The following TTC27 variants were observed in gnomAD, a reference collection of about 807,000 sequenced individuals.
TTC27 encodes tetratricopeptide repeat domain 27.
Under a neutral mutation model 115.9 loss-of-function variants are expected in TTC27, and 79 were observed. The ratio of observed to expected loss-of-function variants is 0.68; its 90% CI spans 0.57 to 0.82. The LOEUF (loss-of-function observed/expected upper bound fraction) is 0.82, where lower values mean the gene tolerates loss of function less well. Among genes scored for constraint, TTC27 ranks in the 40% least tolerant of loss-of-function variants. TTC27 has a pLI of 0.00. For missense variants in TTC27, 1,054 were observed against 993.1 expected, an observed-to-expected ratio of 1.06 and a Z score of -0.82; for synonymous variants, 401 against 356.0, an observed-to-expected ratio of 1.13 and a Z score of -1.42.
At chr2:32,798,719 T>A (rs67766160) in intron 16 of TTC27, among the ~76,000 whole-genome samples, 57,262 of 129,986 alleles carry the variant, frequency 0.44, 12,226 homozygotes, top group South Asian at 0.56. Context: ...AAAAAAATAA[T>A]AATAATAATA....
chr2:32,692,965 G>C (rs1666866767), intron 9 of TTC27, among the ~76,000 whole-genome samples: 1 of 147,096 alleles, frequency 6.8e-6, no homozygotes, highest in African/African-American at 2.5e-5. Context: ...AACAGAGTGA[G>C]ACTCTGTCTC....
intron 16 of TTC27, among the ~76,000 whole-genome samples, chr2:32,800,382 C>G (rs1670881130): frequency 6.6e-6 from 1 of 152,168 alleles, no homozygotes; most frequent in South Asian, 2.1e-4. Context: ...GGGGTTTCAC[C>G]ATGTTGGCCA....
chr2:32,676,754 G>T (rs1311731621), intron 8 of TTC27, among the ~76,000 whole-genome samples: 1 of 151,874 alleles, frequency 6.6e-6, no homozygotes, highest in African/African-American at 2.4e-5. Flanking sequence ...CTCCATAAGT[G>T]CTGGCATTAT....
chr2:32,763,562 G>A (rs1209696647), intron 13 of TTC27, among the ~76,000 whole-genome samples: 2 of 152,170 alleles, frequency 1.3e-5, no homozygotes, highest in African/African-American at 4.8e-5. Flanking sequence ...TTAGATTTAA[G>A]CGCATTTTAA....
chr2:32,794,291 C>T (rs144180381), intron 16 of TTC27, among the ~76,000 whole-genome samples: 384 of 152,118 alleles, frequency 2.5e-3, no homozygotes, highest in Non-Finnish European at 3.6e-3. Context: ...AAATCAATAA[C>T]AGATGTAAAA....
intron 9 of TTC27, among the ~76,000 whole-genome samples, chr2:32,688,593 A>G (rs1666714882): frequency 6.6e-6 from 1 of 152,134 alleles, no homozygotes; most frequent in Non-Finnish European, 1.5e-5. Context: ...CCAATTAAAT[A>G]TGGATAAAAT....
chr2:32,645,895 T>C (rs1477537487), intron 4 of TTC27, among the ~76,000 whole-genome samples: 4 of 151,680 alleles, frequency 2.6e-5, no homozygotes, highest in Non-Finnish European at 5.9e-5. Flanking sequence ...TTTTTTTGTA[T>C]TTTTCGGAGA....
chr2:32,725,188 T>A (rs1381040931), intron 10 of TTC27, among the ~76,000 whole-genome samples: 1 of 152,068 alleles, frequency 6.6e-6, no homozygotes, highest in African/African-American at 2.4e-5. Flanking sequence ...CCCCTTCAAA[T>A]CTCATGTCCT....
At chr2:32,670,539 T>C (rs1281312452) in intron 7 of TTC27, among the ~76,000 whole-genome samples, 1 of 152,226 alleles carries the variant, frequency 6.6e-6, no homozygotes, top group Non-Finnish European at 1.5e-5. Context: ...ATTTAAGTTA[T>C]TTCTAGCAGG....
chr2:32,663,272 T>A (rs929286809), intron 5 of TTC27, among the ~76,000 whole-genome samples: 4 of 152,120 alleles, frequency 2.6e-5, no homozygotes, highest in African/African-American at 9.7e-5. Context: ...GGCTGCCCAG[T>A]TTTGTGCTTG....
At chr2:32,666,119 C>T (rs2151880456) in intron 6 of TTC27, among the ~76,000 whole-genome samples, 1 of 152,186 alleles carries the variant, frequency 6.6e-6, no homozygotes, top group Admixed American at 6.5e-5. Flanking sequence ...GGTTTGAAAA[C>T]AGCTATTCTG....
chr2:32,645,838 T>C (rs562798298), intron 4 of TTC27, among the ~76,000 whole-genome samples: 1 of 151,782 alleles, frequency 6.6e-6, no homozygotes, highest in Admixed American at 6.6e-5. Context: ...TGCCTCAGCC[T>C]CCCAAGTAGC....
chr2:32,779,932 G>A (rs997603214), intron 14 of TTC27: 1 of 271,420 alleles, frequency 3.7e-6, no homozygotes, highest in African/African-American at 2.2e-5. Context: ...TTGTCACTCT[G>A]GTCAAAAATC....
chr2:32,806,760 G>A (rs377682071), intron 16 of TTC27, among the ~76,000 whole-genome samples: 3 of 151,766 alleles, frequency 2.0e-5, no homozygotes, highest in South Asian at 2.1e-4. Flanking sequence ...CAGCTTGACC[G>A]ACAGCGAGAC....
At chr2:32,810,587 G>C (rs1406672494) in intron 16 of TTC27, among the ~76,000 whole-genome samples, 1 of 152,202 alleles carries the variant, frequency 6.6e-6, no homozygotes, top group African/African-American at 2.4e-5. Flanking sequence ...TAGATGGAGA[G>C]GGATATTGGT....
At chr2:32,757,220 A>T (rs1669263964) in intron 12 of TTC27, among the ~76,000 whole-genome samples, 1 of 152,228 alleles carries the variant, frequency 6.6e-6, no homozygotes, top group South Asian at 2.1e-4. Context: ...CAGGCTCCCC[A>T]ACCATACCGT....
intron 2 of TTC27, among the ~76,000 whole-genome samples, chr2:32,632,255 C>T (rs530932242): frequency 6.6e-6 from 1 of 151,050 alleles, no homozygotes; most frequent in South Asian, 2.1e-4. Context: ...AAGCAATCCT[C>T]ACCTCTGCCT....
At chr2:32,773,537 T>C (rs1040199181) in intron 13 of TTC27, among the ~76,000 whole-genome samples, 95 of 152,334 alleles carry the variant, frequency 6.2e-4, no homozygotes, top group African/African-American at 2.2e-3. Flanking sequence ...AATGGTGTTG[T>C]CGGAGGCAGA....
At chr2:32,647,249 T>G (rs1315705186) in intron 4 of TTC27, among the ~76,000 whole-genome samples, 1 of 152,160 alleles carries the variant, frequency 6.6e-6, no homozygotes, top group Non-Finnish European at 1.5e-5. Flanking sequence ...CCTTGTATTA[T>G]GTGTTTTCTT....
Sources: gnomAD v4.1 joint callset for allele counts (sites outside exome capture counted in the v4.1 genomes callset) on GRCh38, gnomAD v4.1.1 for gene constraint, MANE v1.5 for transcripts, NCBI Gene and HGNC (gene_info 2026-07-23, HGNC 2026-07-21) for gene names.